Variants in DAAM1 observed in about 807,000 individuals in gnomAD.
The protein encoded by DAAM1 is dishevelled associated activator of morphogenesis 1, also known as disheveled-associated activator of morphogenesis 1.
Under a neutral mutation model 130.0 loss-of-function variants are expected in DAAM1, and 52 were observed. That is an observed-to-expected ratio of 0.40 (90% CI 0.32 to 0.50). The LOEUF is 0.50. DAAM1 is among the 20% of genes least tolerant of loss of function. The probability of loss-of-function intolerance (pLI) is 0.61; values close to 1 mark genes in which losing one functional copy is unlikely to be tolerated. For missense variants in DAAM1, 1,134 were observed against 1,303.8 expected (o/e 0.87, Z 2.01); for synonymous variants, 452 against 444.5 (o/e 1.02, Z -0.21).
intron 16 of DAAM1, among the ~76,000 whole-genome samples, chr14:59,345,216 A>G (rs1886024935): frequency 6.6e-6 from 1 of 152,108 alleles, no homozygotes. Context: ...AAATTGTTCC[A>G]TTTAAGTAGG....
At chr14:59,283,161 T>C (rs1194718024) in intron 2 of DAAM1, among the ~76,000 whole-genome samples, 1 of 152,206 alleles carries the variant, frequency 6.6e-6, no homozygotes, top group Non-Finnish European at 1.5e-5. Context: ...AAGTAAAGGA[T>C]GCACTCTTAA....
intron 17 of DAAM1, 96 bp downstream of exon 17, chr14:59,347,719 T>C: frequency 1.7e-6 from 2 of 1,196,038 alleles, no homozygotes; most frequent in Non-Finnish European, 2.4e-6. Flanking sequence ...GTGGATCATT[T>C]CCTCATCTAT....
chr14:59,344,010 T>C (rs10145917), intron 16 of DAAM1, among the ~76,000 whole-genome samples: 78 of 152,322 alleles, frequency 5.1e-4, no homozygotes, highest in African/African-American at 1.6e-3. Flanking sequence ...TAAAATTTAC[T>C]CTGTTTTATT....
At chr14:59,306,217 G>A (rs1884376905) in intron 3 of DAAM1, among the ~76,000 whole-genome samples, 1 of 152,242 alleles carries the variant, frequency 6.6e-6, no homozygotes, top group East Asian at 1.9e-4. Flanking sequence ...CAACTCTAAA[G>A]TTCAGAAATG....
intron 1 of DAAM1, among the ~76,000 whole-genome samples, chr14:59,196,567 C>A (rs971692970): frequency 3.9e-5 from 6 of 152,106 alleles, no homozygotes; most frequent in African/African-American, 1.4e-4. Context: ...CACGGTGAAA[C>A]CCCATCTCTA....
At chr14:59,208,338 T>C (rs1245461241) in intron 1 of DAAM1, among the ~76,000 whole-genome samples, 2 of 152,180 alleles carry the variant, frequency 1.3e-5, no homozygotes, top group Non-Finnish European at 2.9e-5. Context: ...TATGAGCCTT[T>C]AACCAGCATT....
chr14:59,262,525 A>G (rs757446311), intron 1 of DAAM1, among the ~76,000 whole-genome samples: 1 of 152,106 alleles, frequency 6.6e-6, no homozygotes, highest in East Asian at 1.9e-4. Flanking sequence ...GCTATTAGTA[A>G]TTTCTTTCAT....
Position 59,261,841 on chromosome 14 carries a change from A to T in DAAM1, c.-37-1600A>T, listed in dbSNP as rs116746802. 7.2e-3 allele frequency among the ~76,000 whole-genome samples: 1,093 copies of T among 152,204 alleles called. 15 individuals are homozygous for T. Among genetic ancestry groups the T allele is most frequent in the African/African-American group, 0.026 (1,060 of 41,542 alleles). On this transcript the variant is annotated intron_variant, in intron 1 of 24. Coordinates refer to ENST00000360909, the MANE Select transcript of DAAM1 (RefSeq NM_001270520.2). ...GAGTTTACTTTTAAAACTTAAGAAC[A>T]AAAAAAAGTTCAAGGAAGGCATCTG...
chr14:59,363,872 A>G lies in DAAM1; in HGVS notation c.2826+90A>G, dbSNP rs1465310078. 17 of 1,548,852 alleles carry G rather than the reference A, an allele frequency of 1.1e-5. No homozygotes were observed. The East Asian group carries it at 3.6e-4, about 33-fold the overall frequency. ...GTTATTATTCTGTACGGGAAATAGC[A>G]GGAGTGAGATCCAAACTTCGTGGTG... On this transcript the variant is annotated intron_variant, in intron 23 of 24. Transcript: ENST00000360909.
intron 1 of DAAM1, 106 bp downstream of exon 1, chr14:59,188,874 C>T (rs998297375): frequency 6.5e-6 from 1 of 153,418 alleles, no homozygotes; most frequent in Non-Finnish European, 1.5e-5. Flanking sequence ...GGGTTCGCGG[C>T]GCGCCCTCCT....
In DAAM1 at chr14:59,357,986, T is replaced by G. The variant is rs144524545; in HGVS notation, c.2526-1411T>G. 1.0e-3 allele frequency among the ~76,000 whole-genome samples: 157 copies of G among 152,328 alleles called. 1 individual carries two copies. The highest frequency in any genetic ancestry group is 3.6e-3 in the African/African-American group (149 of 41,576). ...TTTGAAAACTCTGATTCATTTTGGTTAGAGGTGAGTTGGAATACTGGGGTT... is the reference window on the plus strand; with the variant it reads ...TTTGAAAACTCTGATTCATTTTGGTGAGAGGTGAGTTGGAATACTGGGGTT... On this transcript the variant is annotated intron_variant, in intron 20 of 24. Transcript: ENST00000360909.
intron 2 of DAAM1, among the ~76,000 whole-genome samples, chr14:59,289,779 T>TATATATATATATATATATAG (rs1883648993): frequency 7.5e-6 from 1 of 132,852 alleles, no homozygotes; most frequent in Non-Finnish European, 1.7e-5. Flanking sequence ...TATATATATA[T>TATATATATATATATATATAG]ATATAATGGA....
intron 2 of DAAM1, among the ~76,000 whole-genome samples, chr14:59,273,561 C>T (rs1272286748): frequency 6.6e-6 from 1 of 152,118 alleles, no homozygotes; most frequent in Non-Finnish European, 1.5e-5. Context: ...TAGTATGGAC[C>T]TACTTAGCTT....
chr14:59,352,533 A>G lies in DAAM1; in HGVS notation c.2168A>G (p.Lys723Arg). The G allele has an allele frequency of 6.2e-7, 1 of 1,612,826 alleles. No individual in the cohort carries two copies. The highest frequency in any genetic ancestry group is 8.5e-7 in the Non-Finnish European group (1 of 1,179,486). Residue 723 changes from lysine to arginine, a missense_variant, in exon 18 of 25, where the codon AAA becomes AGA. Physicochemically the swap from Lys to Arg is conservative, Grantham distance 26. Coordinates refer to ENST00000360909, the MANE Select transcript of DAAM1 (RefSeq NM_001270520.2). ...TTCGTGTGTACTTTTCAGCTCTTGA[A>G]ATTTGTTCCTGAAAAAAGTGACATT... ...LPKDMLEQLLKFVPEKSDIDL... is the reference protein window; with the variant it reads ...LPKDMLEQLLRFVPEKSDIDL...
rs1194262032 is a variant in DAAM1 at position 59,239,004 on chromosome 14, T to C, written c.-37-24437T>C. Among the ~76,000 whole-genome samples, 3 of 152,170 alleles carry C rather than the reference T, an allele frequency of 2.0e-5. No individual in the cohort carries two copies. The South Asian group carries it at 6.2e-4, about 32-fold the overall frequency. On this transcript the variant is annotated intron_variant, in intron 1 of 24. Transcript: ENST00000360909. Reference sequence around the variant, plus strand: ...ATGAATTTGTCCCTGCTCTGCTGCTTAGGAGTGGGTGACCCTATGCAGGTC... The same window carrying C: ...ATGAATTTGTCCCTGCTCTGCTGCTCAGGAGTGGGTGACCCTATGCAGGTC...
rs531298754 is a variant in DAAM1, at chr14:59,287,268, T to C, written c.184-3949T>C. 2.0e-5 allele frequency among the ~76,000 whole-genome samples: 3 copies of C among 152,258 alleles called. No individual in the cohort carries two copies. The South Asian group carries it at 6.2e-4, about 32-fold the overall frequency. ...AAAAAAATCTTCAACAAATTAGGCATCAAAGGAACATACCTCAAAATAGCA... is the reference window on the plus strand; with the variant it reads ...AAAAAAATCTTCAACAAATTAGGCACCAAAGGAACATACCTCAAAATAGCA... On this transcript the variant is annotated intron_variant, in intron 2 of 24. Transcript: ENST00000360909.
At chr14:59,203,627 C>T (rs1468767849) in intron 1 of DAAM1, among the ~76,000 whole-genome samples, 1 of 152,076 alleles carries the variant, frequency 6.6e-6, no homozygotes, top group Admixed American at 6.5e-5. Flanking sequence ...ATATGAGAAT[C>T]TTTGTTATAA....
chr14:59,215,423 G>T (rs1888546236), intron 1 of DAAM1, among the ~76,000 whole-genome samples: 1 of 152,222 alleles, frequency 6.6e-6, no homozygotes, highest in Non-Finnish European at 1.5e-5. Context: ...CATAAGAGCT[G>T]AATCAAGGCT....
chr14:59,340,989 A>T (rs772246660), intron 16 of DAAM1, among the ~76,000 whole-genome samples: 1 of 152,240 alleles, frequency 6.6e-6, no homozygotes, highest in Non-Finnish European at 1.5e-5. Context: ...TGAGGCTGGT[A>T]TAAGGTGACT....
Sources: gnomAD v4.1 joint callset for allele counts (sites outside exome capture counted in the v4.1 genomes callset) on GRCh38, gnomAD v4.1.1 for gene constraint, MANE v1.5 for transcripts, NCBI Gene and HGNC (gene_info 2026-07-23, HGNC 2026-07-21) for gene names.